FSD1: variants seen among roughly 807,000 people sequenced by gnomAD.
FSD1 encodes the protein fibronectin type III and SPRY domain containing 1, also known as fibronectin type III and SPRY domain-containing protein 1.
Under a neutral mutation model 58.2 loss-of-function variants are expected in FSD1, and 23 were observed. That is an observed-to-expected ratio of 0.40 (90% CI 0.28 to 0.56). The LOEUF is 0.56. Ranked by LOEUF, FSD1 falls within the 20% of genes least tolerant of loss-of-function variation. The pLI, the probability that FSD1 is intolerant of heterozygous loss-of-function variation, is 0.54. For synonymous variants in FSD1, 265 were observed against 263.4 expected, an observed-to-expected ratio of 1.01 and a Z score of -0.06; for missense variants, 563 against 670.8, an observed-to-expected ratio of 0.84 and a Z score of 1.78.
intron 7 of FSD1, among the ~76,000 whole-genome samples, chr19:4,314,857 C>G (rs1412472914): frequency 6.6e-6 from 1 of 152,234 alleles, no homozygotes. Flanking sequence ...ATTCATGTCA[C>G]CACCAACACC....
chr19:4,309,685 C>T (rs1251689409), intron 4 of FSD1, among the ~76,000 whole-genome samples: 1 of 147,498 alleles, frequency 6.8e-6, no homozygotes, highest in East Asian at 2.0e-4. Context: ...TGAGGCGGGC[C>T]GATCATGAGG....
intron 1 of FSD1, among the ~76,000 whole-genome samples, 161 bp downstream of exon 1, chr19:4,304,922 A>G (rs1315158628): frequency 6.0e-5 from 3 of 49,800 alleles, no homozygotes; most frequent in Non-Finnish European, 1.1e-4. Context: ...TAGCCCCCCT[A>G]CCCCAGTTTG....
chr19:4,310,808 G>A, intron 6 of FSD1: 1 of 530,376 alleles, frequency 1.9e-6, no homozygotes, highest in South Asian at 2.2e-5. Flanking sequence ...CCCACCCACT[G>A]TGTAGTGACA....
intron 10 of FSD1, among the ~76,000 whole-genome samples, chr19:4,321,688 G>A (rs1285361163): frequency 6.6e-6 from 1 of 151,780 alleles, no homozygotes; most frequent in Non-Finnish European, 1.5e-5. Context: ...GGAATAGCTG[G>A]GACCCAAGTA....
Position 4,323,078 on chromosome 19 carries a change from C to T in FSD1, c.1132C>T (p.Leu378=). 1 of 1,611,012 alleles carries T rather than the reference C, an allele frequency of 6.2e-7. No homozygotes were observed. The highest frequency in any genetic ancestry group is 8.5e-7 in the Non-Finnish European group (1 of 1,179,740). The stretch of plus-strand genomic sequence containing the variant: ...CGGCGTGGGCGTGGCCTACCGCAGC[C>T]TGGGCCGCTTCGAGCAACTGGGCAA... ...AFGVGVAYRS[L]GRFEQLGKTA... The change falls in exon 11 of 13, where the codon CTG becomes TTG. Residue 378 remains leucine, a synonymous_variant. Coordinates refer to ENST00000221856, the MANE Select transcript of FSD1 (RefSeq NM_024333.3). The surrounding 1 kb of genome is among the most constrained non-coding windows in gnomAD (Gnocchi z 7.7).
chr19:4,307,045 C>T (rs531820841), intron 3 of FSD1, among the ~76,000 whole-genome samples: 40 of 151,770 alleles, frequency 2.6e-4, no homozygotes, highest in Non-Finnish European at 5.3e-4. Flanking sequence ...GTGGCCTAGG[C>T]ATGTGAGTTT....
chr19:4,320,448 G>A (rs1242127767), intron 10 of FSD1, among the ~76,000 whole-genome samples: 1 of 152,112 alleles, frequency 6.6e-6, no homozygotes, highest in Non-Finnish European at 1.5e-5. Context: ...AGGGTTTGAG[G>A]ATGATCTAGT....
At position 4,306,053 on chromosome 19, in the gene FSD1, G is replaced by C. The variant is rs775552052; in HGVS notation, c.111+12G>C. On this transcript the variant is annotated intron_variant, in intron 2 of 12. Coordinates refer to ENST00000221856, the MANE Select transcript of FSD1 (RefSeq NM_024333.3). ...TGCTGAACGTGGAGGTGAAGGCGGT[G>C]GGGCAGTCCTGGGGAGGTAAGGGGA... The C allele has an allele frequency of 5.6e-6, 9 of 1,612,456 alleles. No individual in the cohort carries two copies. Among genetic ancestry groups the C allele is most frequent in the Admixed American group, 1.7e-5 (1 of 60,000 alleles).
chr19:4,308,988 T>C (rs1971657960), intron 4 of FSD1, among the ~76,000 whole-genome samples: 1 of 152,148 alleles, frequency 6.6e-6, no homozygotes. Flanking sequence ...GGCAGGAGGA[T>C]GGTGTGAACC....
intron 10 of FSD1, among the ~76,000 whole-genome samples, chr19:4,321,097 T>TG (rs1166183049): frequency 1.1e-4 from 11 of 101,792 alleles, no homozygotes; most frequent in African/African-American, 2.0e-4. Context: ...GAGGAGTATC[T>TG]GGGGAAATAG....
chr19:4,308,582 G>T (rs1971651149), intron 4 of FSD1, among the ~76,000 whole-genome samples: 1 of 152,058 alleles, frequency 6.6e-6, no homozygotes, highest in Non-Finnish European at 1.5e-5. Context: ...AATTGGCCAG[G>T]CACAGGGGCT....
intron 7 of FSD1, among the ~76,000 whole-genome samples, chr19:4,315,509 C>T (rs10404686): frequency 0.096 from 14,468 of 150,372 alleles, 1,921 homozygotes; most frequent in African/African-American, 0.3. Context: ...GGGTTTTCAC[C>T]GTGTTAGCCA....
chr19:4,323,013 A>G lies in FSD1; in HGVS notation c.1067A>G (p.His356Arg), dbSNP rs754185016. 3.7e-5 allele frequency: 59 copies of G among 1,611,620 alleles called. No homozygotes were observed. The East Asian group carries it at 8.5e-4, about 23-fold the overall frequency. ...LGDTLIDGGEHYWEVRYEPDS... is the reference protein window; with the variant it reads ...LGDTLIDGGERYWEVRYEPDS... ...GACACGCTGATCGACGGCGGGGAGCATTACTGGGAGGTGCGCTACGAGCCG... is the reference window on the plus strand; with the variant it reads ...GACACGCTGATCGACGGCGGGGAGCGTTACTGGGAGGTGCGCTACGAGCCG... The change falls in exon 11 of 13, where the codon CAT becomes CGT. Residue 356 changes from histidine (H) to arginine (R), a missense_variant. Physicochemically the swap from His to Arg is conservative, Grantham distance 29. Transcript: ENST00000221856. This position sits in a 1 kb window ranked among gnomAD's most constrained non-coding sequence, Gnocchi z 7.7.
Position 4,310,566 on chromosome 19 carries a change from C to G in FSD1, c.460C>G (p.Gln154Glu), listed in dbSNP as rs769765150. The change falls in exon 6 of 13, where the codon CAG becomes GAG. Residue 154 changes from glutamine to glutamate, a missense_variant. Coordinates refer to ENST00000221856, the MANE Select transcript of FSD1 (RefSeq NM_024333.3). ...CATGGTGGACTTCGCGCAAGAGCGG[C>G]AGATGCTACAGGCACTCAAGTTCCT... is the stretch of plus-strand genomic sequence containing the variant. Reference protein sequence around the residue: ...HLMVDFAQERQMLQALKFLPV... With the variant: ...HLMVDFAQEREMLQALKFLPV... 1.2e-6 allele frequency: 2 copies of G among 1,613,634 alleles called. No individual in the cohort carries two copies. Among genetic ancestry groups the G allele is most frequent in the Non-Finnish European group, 1.7e-6 (2 of 1,179,974 alleles).
chr19:4,311,189 TG>T (rs1355941322), intron 6 of FSD1: 3 of 155,260 alleles, frequency 1.9e-5, no homozygotes, highest in Admixed American at 6.3e-5. Flanking sequence ...TGGTAGCTCC[TG>T]GGAAAACCCT....
At position 4,323,032 on chromosome 19, in the gene FSD1, C is replaced by G. The variant is rs145547298; in HGVS notation, c.1086C>G (p.Tyr362Ter). 6.2e-7 allele frequency: 1 copy of G among 1,611,944 alleles called. No homozygotes were observed. The highest frequency in any genetic ancestry group is 8.5e-7 in the Non-Finnish European group (1 of 1,179,454). ...GGGAGCATTACTGGGAGGTGCGCTA[C>G]GAGCCGGACAGCAAGGCGTTCGGCG... ...DGGEHYWEVR[Y>*]EPDSKAFGVG... The change falls in exon 11 of 13, where the codon TAC becomes TAG. Residue 362 changes from tyrosine to a stop codon, truncating the protein, a stop_gained. Coordinates refer to ENST00000221856, the MANE Select transcript of FSD1 (RefSeq NM_024333.3). LOFTEE classifies it high-confidence loss of function. The surrounding 1 kb of genome is among the most constrained non-coding windows in gnomAD (Gnocchi z 7.7).
chr19:4,304,818 C>G (rs1971598254), intron 1 of FSD1, 57 bp downstream of exon 1: 1 of 516,198 alleles, frequency 1.9e-6, no homozygotes, highest in Non-Finnish European at 2.8e-6. Flanking sequence ...GGGAAGGGGA[C>G]CAGGTGTTGC....
Position 4,307,492 on chromosome 19 carries a change from C to T in FSD1, c.244-390C>T, listed in dbSNP as rs915190316. Among the ~76,000 whole-genome samples, 7 of 152,180 alleles carry T rather than the reference C, an allele frequency of 4.6e-5. No homozygotes were observed. In the East Asian group the frequency reaches 5.8e-4, roughly 13 times the overall value. On this transcript the variant is annotated intron_variant, in intron 3 of 12. Coordinates refer to ENST00000221856, the MANE Select transcript of FSD1 (RefSeq NM_024333.3). ...AAGTGATTCTCCTGCCTCAGCCTCC[C>T]GAGTAGCTGGGATTAGAGGTGCCCA...
At chr19:4,311,692 A>T (rs1971693500) in intron 6 of FSD1, 150 bp from the exon 7 acceptor site, 3 of 641,024 alleles carry the variant, frequency 4.7e-6, no homozygotes, top group East Asian at 5.5e-5. Context: ...CTCTAAAAAA[A>T]AAAAAGTCTC....
Sources: gnomAD v4.1 joint callset for allele counts (sites outside exome capture counted in the v4.1 genomes callset) on GRCh38, gnomAD v4.1.1 for gene constraint, Gnocchi (gnomAD v3.1) non-coding constraint, MANE v1.5 for transcripts, NCBI Gene and HGNC (gene_info 2026-07-23, HGNC 2026-07-21) for gene names.